Variants in FAM186A observed in about 807,000 individuals in gnomAD.
The protein encoded by FAM186A is protein FAM186A.
Under a neutral mutation model 216.8 loss-of-function variants are expected in FAM186A, and 163 were observed. The observed-to-expected ratio is 0.75, with a 90% CI of 0.66 to 0.86. FAM186A has a LOEUF of 0.86. Among genes scored for constraint, FAM186A ranks in the 40% least tolerant of loss-of-function variants. FAM186A has a pLI of 0.00. For synonymous variants in FAM186A, 805 were observed against 1,025.3 expected (o/e 0.79, Z 4.10); for missense variants, 2,184 against 2,746.2 (o/e 0.80, Z 4.58).
At chr12:50,388,950 C>T (rs973746604) in intron 1 of FAM186A, among the ~76,000 whole-genome samples, 2 of 150,930 alleles carry the variant, frequency 1.3e-5, no homozygotes, top group African/African-American at 4.9e-5. Context: ...CTCGGAAGTC[C>T]GAAGCGGGAG....
chr12:50,351,458 G>A lies in FAM186A; in HGVS notation c.5374C>T (p.Pro1792Ser). The change falls in exon 4 of 8, where the codon CCA (proline) becomes TCA (serine). Residue 1792 changes from proline (P) to serine (S), a missense_variant. By Grantham distance (74) the Pro-to-Ser change is moderately conservative. This residue lies in a region of FAM186A where 721 missense variants were observed against 816.4 expected (regional missense o/e 0.88). Coordinates refer to ENST00000327337, the MANE Select transcript of FAM186A (RefSeq NM_001145475.3). ...ILSEPGKLGA[P>S]QTLRSSGQTL... The stretch of plus-strand genomic sequence containing the variant: ...TGTCCAGAGGAACGAAGAGTCTGTG[G>A]TGCCCCAAGCTTCCCAGGCTCAGAA... The A allele has an allele frequency of 1.4e-6, 2 of 1,475,926 alleles. No individual in the cohort carries two copies. Among genetic ancestry groups the A allele is most frequent in the Non-Finnish European group, 1.8e-6 (2 of 1,115,296 alleles). The allele number at this position is 1,475,926 out of a possible 1,614,324, so 91.4% of individuals were successfully genotyped here.
At chr12:50,327,594 T>C (rs926545051) in intron 7 of FAM186A, among the ~76,000 whole-genome samples, 190 bp from the exon 8 acceptor site, 6 of 150,796 alleles carry the variant, frequency 4.0e-5, no homozygotes, top group African/African-American at 1.5e-4. Flanking sequence ...CAGGCTGTAG[T>C]ACAGTGGTGC....
chr12:50,379,475 A>G (rs564551477), intron 1 of FAM186A, among the ~76,000 whole-genome samples: 3 of 10,456 alleles, frequency 2.9e-4, no homozygotes, highest in Non-Finnish European at 4.3e-3. Flanking sequence ...GGGAAAAACA[A>G]AAACAAAAAC....
At chr12:50,390,778 G>A (rs1458442630) in intron 1 of FAM186A, among the ~76,000 whole-genome samples, 2 of 152,044 alleles carry the variant, frequency 1.3e-5, no homozygotes, top group African/African-American at 4.8e-5. Flanking sequence ...CATACTATTG[G>A]TGAAAGGGCC....
chr12:50,369,477 A>G (rs1330651503), intron 1 of FAM186A, among the ~76,000 whole-genome samples: 1 of 140,758 alleles, frequency 7.1e-6, no homozygotes, highest in East Asian at 2.1e-4. Flanking sequence ...AGCCTGGGCG[A>G]CAGAGTGAGA....
intron 1 of FAM186A, among the ~76,000 whole-genome samples, chr12:50,369,496 CAAAAA>C (rs35493660): frequency 8.7e-6 from 1 of 114,404 alleles, no homozygotes. Context: ...GACTCCGTCT[CAAAAA>C]AAAAAAAAAA....
At chr12:50,388,084 T>G (rs1943320391) in intron 1 of FAM186A, among the ~76,000 whole-genome samples, 1 of 152,158 alleles carries the variant, frequency 6.6e-6, no homozygotes, top group African/African-American at 2.4e-5. Context: ...TATGGTTGAT[T>G]AAACCATTGG....
At chr12:50,361,235 G>A (rs1386959883) in intron 2 of FAM186A, among the ~76,000 whole-genome samples, 3 of 152,164 alleles carry the variant, frequency 2.0e-5, no homozygotes, top group African/African-American at 4.8e-5. Context: ...GTCTTGCTTT[G>A]TTGCCTAGGC....
chr12:50,350,463 T>TA lies in FAM186A; in HGVS notation c.6368dup (p.Thr2125AsnfsTer13). The TA allele has an allele frequency of 6.4e-7, 1 of 1,551,622 alleles. No homozygotes were observed. The highest frequency in any genetic ancestry group is 1.2e-5 in the South Asian group (1 of 84,058). ...GCTGTGAAGGGAGTCCACAAGTTTT[T>TA]ATAGCCTGATTTAATAGTATCAGGT... On this transcript the variant is annotated frameshift_variant, in exon 4 of 8. Transcript: ENST00000327337. LOFTEE classifies it high-confidence loss of function.
Position 50,353,809 on chromosome 12 carries a change from G to A in FAM186A, c.3023C>T (p.Thr1008Ile). The A allele has an allele frequency of 6.4e-7, 1 of 1,551,646 alleles. No individual in the cohort carries two copies. The highest frequency in any genetic ancestry group is 8.7e-7 in the Non-Finnish European group (1 of 1,146,958). The stretch of plus-strand genomic sequence containing the variant: ...TACACTCTTCCACCTGGGAGATAAT[G>A]TCATTGGAGTTTGGATGACCATTTT... ...LEKMVIQTPM[T>I]LSPRWKSVLK... Residue 1008 changes from threonine (T) to isoleucine (I), a missense_variant, in exon 4 of 8, where the codon ACA (threonine) becomes ATA (isoleucine). Transcript: ENST00000327337.
intron 1 of FAM186A, among the ~76,000 whole-genome samples, chr12:50,374,362 A>G (rs558694945): frequency 1.2e-3 from 178 of 152,258 alleles, no homozygotes; most frequent in African/African-American, 4.1e-3. Flanking sequence ...ATTAAAAAAA[A>G]AAGATTTTCA....
At chr12:50,378,589 G>A (rs867296485) in intron 1 of FAM186A, among the ~76,000 whole-genome samples, 2 of 39,274 alleles carry the variant, frequency 5.1e-5, no homozygotes, top group African/African-American at 8.2e-5. Context: ...TATGTAAATT[G>A]TATATATATA....
At chr12:50,371,846 C>T (rs1019110709) in intron 1 of FAM186A, among the ~76,000 whole-genome samples, 3 of 151,900 alleles carry the variant, frequency 2.0e-5, no homozygotes, top group African/African-American at 7.3e-5. Flanking sequence ...GAGTTTCGCT[C>T]TTATTGCCCA....
chr12:50,340,766 GA>G (rs1288569518), intron 4 of FAM186A, among the ~76,000 whole-genome samples: 1 of 150,306 alleles, frequency 6.7e-6, no homozygotes, highest in Admixed American at 6.7e-5. Flanking sequence ...AATATATATG[GA>G]AACAAATGTC....
At position 50,330,820 on chromosome 12, in the gene FAM186A, A is replaced by T. The variant is rs1054523390; in HGVS notation, c.6849-62T>A. On this transcript the variant is annotated intron_variant, in intron 6 of 7. Transcript: ENST00000327337. ...CCTGAGCTCCATAGCCCATCAAAAT[A>T]TATCTTATTCTCCCCTCTTCACTGC... 2.9e-6 allele frequency: 4 copies of T among 1,390,506 alleles called. 1 individual carries two copies. In the Middle Eastern group the frequency reaches 9.6e-4, roughly 335 times the overall value. The allele number at this position is 1,390,506 out of a possible 1,614,324, so 86.1% of individuals were successfully genotyped here.
At position 50,353,033 on chromosome 12, in the gene FAM186A, G is replaced by A. The variant is rs1942921103; in HGVS notation, c.3799C>T (p.Leu1267Phe). The change falls in exon 4 of 8, where the codon CTT (leucine) becomes TTT (phenylalanine). Residue 1267 changes from leucine to phenylalanine, a missense_variant. This residue lies in a region of FAM186A where 267 missense variants were observed against 446.2 expected (regional missense o/e 0.60). Transcript: ENST00000327337. ...PKQVQELGIPLTPQQAQALGI... is the reference protein window; with the variant it reads ...PKQVQELGIPFTPQQAQALGI... The stretch of plus-strand genomic sequence containing the variant: ...AGGGCCTGGGCCTGCTGAGGAGTAA[G>A]AGGGATCCCCAGTTCCTGAACCTGC... The A allele has an allele frequency of 6.5e-7, 1 of 1,537,228 alleles. No homozygotes were observed. The highest frequency in any genetic ancestry group is 1.4e-5 in the African/African-American group (1 of 71,112).
At position 50,385,550 on chromosome 12, in the gene FAM186A, T is replaced by C. The variant is rs564542623; in HGVS notation, c.192+10743A>G. On this transcript the variant is annotated intron_variant, in intron 1 of 7. Coordinates refer to ENST00000327337, the MANE Select transcript of FAM186A (RefSeq NM_001145475.3). Reference sequence around the variant, plus strand: ...GGCAACAAAAGCAAAAATAGACAAATGGTATTACATCAAACTAAAAGGCTT... The same window carrying C: ...GGCAACAAAAGCAAAAATAGACAAACGGTATTACATCAAACTAAAAGGCTT... Among the ~76,000 whole-genome samples the C allele has an allele frequency of 1.8e-4, 28 of 151,486 alleles. No individual in the cohort carries two copies. In the East Asian group the frequency reaches 5.3e-3, roughly 28 times the overall value.
chr12:50,365,125 A>T (rs1943075734), intron 1 of FAM186A, among the ~76,000 whole-genome samples: 1 of 152,092 alleles, frequency 6.6e-6, no homozygotes, highest in African/African-American at 2.4e-5. Context: ...AATACTACGT[A>T]AATCAATAAA....
intron 1 of FAM186A, 32 bp downstream of exon 1, chr12:50,396,261 T>A: frequency 6.9e-7 from 1 of 1,452,174 alleles, no homozygotes; most frequent in Non-Finnish European, 9.1e-7. Flanking sequence ...AAAAGAAAAT[T>A]GCAGTCTGTA....
Sources: gnomAD v4.1 joint callset for allele counts (sites outside exome capture counted in the v4.1 genomes callset) on GRCh38, gnomAD v4.1.1 for gene constraint, gnomAD v4.1.1 regional missense constraint, MANE v1.5 for transcripts, NCBI Gene and HGNC (gene_info 2026-07-23, HGNC 2026-07-21) for gene names.